Variants in TECPR2 observed in about 807,000 individuals in gnomAD.
TECPR2 encodes tectonin beta-propeller repeat containing 2.
TECPR2 carries 65 observed loss-of-function variants against 138.1 expected under a neutral mutation model. The ratio of observed to expected loss-of-function variants is 0.47; its 90% CI spans 0.39 to 0.58. The LOEUF (loss-of-function observed/expected upper bound fraction) is 0.58, where lower values mean the gene tolerates loss of function less well. Ranked by LOEUF, TECPR2 falls within the 20% of genes least tolerant of loss-of-function variation. The probability of loss-of-function intolerance (pLI) is 0.00; values close to 1 mark genes in which losing one functional copy is unlikely to be tolerated. For missense variants in TECPR2, 1,553 were observed against 1,824.5 expected (o/e 0.85, Z 2.71); for synonymous variants, 746 against 749.8 (o/e 0.99, Z 0.08).
chr14:102,458,801 G>C (rs1052093834), intron 16 of TECPR2, among the ~76,000 whole-genome samples: 12 of 151,866 alleles, frequency 7.9e-5, no homozygotes, highest in Admixed American at 7.2e-4. Context: ...CCCCATCATA[G>C]CACTGTGCTT....
chr14:102,363,776 T>G (rs1348929097), intron 1 of TECPR2, among the ~76,000 whole-genome samples: 1 of 152,218 alleles, frequency 6.6e-6, no homozygotes, highest in Non-Finnish European at 1.5e-5. Context: ...GGAATGGAGA[T>G]GAGAATAGTT....
chr14:102,370,441 T>C (rs2139649469), intron 1 of TECPR2, among the ~76,000 whole-genome samples: 1 of 152,300 alleles, frequency 6.6e-6, no homozygotes, highest in East Asian at 1.9e-4. Context: ...GTACTTCCGC[T>C]TGCTTGCTAG....
chr14:102,417,849 C>G (rs1158374808), intron 5 of TECPR2, among the ~76,000 whole-genome samples: 8 of 111,460 alleles, frequency 7.2e-5, no homozygotes, highest in Non-Finnish European at 1.1e-4. Context: ...GGGGAGGCTG[C>G]CACGGGAGTC....
intron 17 of TECPR2, among the ~76,000 whole-genome samples, chr14:102,492,639 C>T (rs765667854): frequency 5.3e-5 from 8 of 152,218 alleles, no homozygotes; most frequent in South Asian, 4.1e-4. Flanking sequence ...GCTGGGCAGA[C>T]GTGGCCTCCT....
At chr14:102,424,181 C>T (rs1242532436) in intron 5 of TECPR2, among the ~76,000 whole-genome samples, 1 of 152,206 alleles carries the variant, frequency 6.6e-6, no homozygotes, top group Non-Finnish European at 1.5e-5. Context: ...TACAGACTTG[C>T]ACCACATGTG....
At chr14:102,412,022 C>G (rs943939632) in intron 4 of TECPR2, among the ~76,000 whole-genome samples, 24 of 150,992 alleles carry the variant, frequency 1.6e-4, no homozygotes, top group African/African-American at 5.6e-4. Flanking sequence ...TACTCTGTTA[C>G]ATTAAAATCT....
At position 102,434,454 on chromosome 14, in the gene TECPR2, CGTT is replaced by C. The variant is rs1215206326; in HGVS notation, c.1638_1640del (p.Phe547del). ...CCACAGGAAAATACTGACCCCGAAA[CGTT>C]TAATGTCCTGGAGGTGTCAGGATCA... On this transcript the variant is annotated inframe_deletion, in exon 9 of 20. Coordinates refer to ENST00000359520, the MANE Select transcript of TECPR2 (RefSeq NM_014844.5). 6.5e-7 allele frequency: 1 copy of C among 1,540,094 alleles called. No homozygotes were observed. Among genetic ancestry groups the C allele is most frequent in the African/African-American group, 1.4e-5 (1 of 72,460 alleles).
intron 17 of TECPR2, chr14:102,465,645 T>C (rs1275479375): frequency 6.1e-6 from 6 of 991,164 alleles, no homozygotes; most frequent in Non-Finnish European, 7.2e-6. Flanking sequence ...TACCCAGAAG[T>C]ATAAAGAAGG....
In TECPR2 at chr14:102,437,560, G is replaced by GAAAAAA. The variant is rs144527153; in HGVS notation, c.2395-457_2395-452dup. Among the ~76,000 whole-genome samples, 476 of 145,694 alleles carry GAAAAAA rather than the reference G, an allele frequency of 3.3e-3. 2 individuals are homozygous for GAAAAAA. Among genetic ancestry groups the GAAAAAA allele is most frequent in the African/African-American group, 0.011 (429 of 39,576 alleles). On this transcript the variant is annotated intron_variant, in intron 9 of 19. Transcript: ENST00000359520. ...CAGAGCGAGTCTCTGTCTCAAAAAGGAAAAAAAAAAGAAAATATGGTGGAA... is the reference window on the plus strand; with the variant it reads ...CAGAGCGAGTCTCTGTCTCAAAAAGGAAAAAAAAAAAAAAAAGAAAATATGGTGGAA...
intron 16 of TECPR2, among the ~76,000 whole-genome samples, chr14:102,463,416 CAAAAAAAAAAAAA>C (rs550694466): frequency 1.8e-4 from 7 of 38,538 alleles, no homozygotes; most frequent in South Asian, 1.9e-3. Context: ...GACTCCGTCT[CAAAAAAAAAAAAA>C]AAAAAAAAAA....
intron 2 of TECPR2, among the ~76,000 whole-genome samples, chr14:102,404,917 G>A (rs988342568): frequency 6.6e-6 from 1 of 151,956 alleles, no homozygotes; most frequent in Admixed American, 6.6e-5. Flanking sequence ...TGTTCCACAG[G>A]GAAAGGACAG....
intron 17 of TECPR2, among the ~76,000 whole-genome samples, chr14:102,476,889 T>C (rs1890777797): frequency 6.6e-6 from 1 of 151,520 alleles, no homozygotes; most frequent in Admixed American, 6.6e-5. Flanking sequence ...ACCCCGTCTG[T>C]ACAAAAAATA....
intron 1 of TECPR2, among the ~76,000 whole-genome samples, chr14:102,372,258 T>C (rs1597760736): frequency 6.6e-6 from 1 of 151,754 alleles, no homozygotes; most frequent in East Asian, 1.9e-4. Context: ...GCTGCCTTTG[T>C]ACTTTTCTTT....
intron 6 of TECPR2, among the ~76,000 whole-genome samples, chr14:102,427,313 G>A (rs17717830): frequency 0.027 from 4,149 of 152,194 alleles, 75 homozygotes; most frequent in Middle Eastern, 0.088. Flanking sequence ...GCATTTACCC[G>A]ATGCTTTACC....
chr14:102,365,569 C>T (rs1181393616), intron 1 of TECPR2, among the ~76,000 whole-genome samples: 1 of 152,228 alleles, frequency 6.6e-6, no homozygotes, highest in Non-Finnish European at 1.5e-5. Flanking sequence ...ATTTGTGCTA[C>T]AACATGGAGG....
At chr14:102,372,451 G>C (rs1887530382) in intron 1 of TECPR2, among the ~76,000 whole-genome samples, 2 of 152,128 alleles carry the variant, frequency 1.3e-5, no homozygotes, top group Admixed American at 1.3e-4. Context: ...TTTTAGTAGA[G>C]ATGGGGTTTT....
At chr14:102,370,879 A>G (rs1887487410) in intron 1 of TECPR2, among the ~76,000 whole-genome samples, 1 of 152,046 alleles carries the variant, frequency 6.6e-6, no homozygotes, top group Non-Finnish European at 1.5e-5. Context: ...GGACATGGAG[A>G]GGAGAGGAGG....
chr14:102,415,717 C>T lies in TECPR2; in HGVS notation c.638+924C>T, dbSNP rs549821002. 1.3e-5 allele frequency among the ~76,000 whole-genome samples: 2 copies of T among 152,172 alleles called. No individual in the cohort carries two copies. Among genetic ancestry groups the T allele is most frequent in the Non-Finnish European group, 2.9e-5 (2 of 67,990 alleles). On this transcript the variant is annotated intron_variant, in intron 5 of 19. Transcript: ENST00000359520. The surrounding 1 kb of genome is among the most constrained non-coding windows in gnomAD (Gnocchi z 4.3). The stretch of plus-strand genomic sequence containing the variant: ...CTACAGTCATGGATTGTCGATTGGC[C>T]GATGGGAGCTGGAAGAGTTCCCGTC...
Position 102,498,489 on chromosome 14 carries a change from A to G in TECPR2, c.*232A>G. 1.7e-6 allele frequency: 1 copy of G among 597,868 alleles called. No homozygotes were observed. The highest frequency in any genetic ancestry group is 2.9e-5 in the East Asian group (1 of 34,556). The allele number at this position is 597,868 out of a possible 1,614,324, so 37.0% of individuals were successfully genotyped here. ...GCAGTGGCGCCTCCTAGCTCAGGAC[A>G]GTGGCGACTGCCCGGCTGCATGCAC... On this transcript the variant is annotated 3_prime_UTR_variant, in exon 20 of 20. Coordinates refer to ENST00000359520, the MANE Select transcript of TECPR2 (RefSeq NM_014844.5).
Sources: allele counts gnomAD v4.1 joint callset (sites outside exome capture counted in the v4.1 genomes callset), GRCh38; gene constraint gnomAD v4.1.1; non-coding constraint Gnocchi (gnomAD v3.1); transcripts MANE v1.5; gene names NCBI Gene and HGNC (gene_info 2026-07-23, HGNC 2026-07-21).